Variants in ZFYVE9 observed in about 807,000 individuals in gnomAD.
The protein encoded by ZFYVE9 is zinc finger FYVE-type containing 9.
Under a neutral mutation model 126.7 loss-of-function variants are expected in ZFYVE9, and 43 were observed. That is an observed-to-expected ratio of 0.34 (90% confidence interval 0.27 to 0.44). ZFYVE9 has a LOEUF of 0.44. ZFYVE9 is among the 20% of genes least tolerant of loss of function. ZFYVE9 has a pLI of 1.00. For synonymous variants in ZFYVE9, 521 were observed against 597.4 expected (o/e 0.87, Z 1.87); for missense variants, 1,476 against 1,697.0 (o/e 0.87, Z 2.29).
chr1:52,174,249 AT>A (rs1442996499), intron 1 of ZFYVE9, among the ~76,000 whole-genome samples: 1 of 152,000 alleles, frequency 6.6e-6, no homozygotes, highest in Non-Finnish European at 1.5e-5. Context: ...TTCTGCCTTC[AT>A]TTTGTTATGT....
chr1:52,207,366 T>A (rs1377573217), intron 1 of ZFYVE9, among the ~76,000 whole-genome samples: 1 of 152,182 alleles, frequency 6.6e-6, no homozygotes, highest in Non-Finnish European at 1.5e-5. Flanking sequence ...CTGCTTTTTG[T>A]TTGGTGTGAA....
Position 52,218,024 on chromosome 1 carries a change from A to G in ZFYVE9, c.-37+1550A>G, listed in dbSNP as rs573422373. Reference sequence around the variant, plus strand: ...TTTTTGTTTATAGTGGACCACCAGAATAAGATAGACTCGAACCTGGCGGCT... The same window carrying G: ...TTTTTGTTTATAGTGGACCACCAGAGTAAGATAGACTCGAACCTGGCGGCT... On this transcript the variant is annotated intron_variant, in intron 2 of 18. Transcript: ENST00000287727. 2.6e-5 allele frequency among the ~76,000 whole-genome samples: 4 copies of G among 152,348 alleles called. No homozygotes were observed. The East Asian group carries it at 7.7e-4, about 29-fold the overall frequency.
chr1:52,238,646 T>G lies in ZFYVE9; in HGVS notation c.1229T>G (p.Met410Arg). 4.3e-6 allele frequency: 7 copies of G among 1,614,042 alleles called. No individual in the cohort carries two copies. The highest frequency in any genetic ancestry group is 5.9e-6 in the Non-Finnish European group (7 of 1,179,980). The change falls in exon 4 of 19, where the codon ATG becomes AGG. Residue 410 changes from methionine to arginine, a missense_variant. Physicochemically the swap from Met to Arg is moderately conservative, Grantham distance 91 (BLOSUM62 -1). Transcript: ENST00000287727. ...TGGAAGTTGACTAAACTAAATGAGA[T>G]GAATGATAGCCAAGTAAACGAAGAA... Reference protein sequence around the residue: ...TNWKLTKLNEMNDSQVNEEKE... With the variant: ...TNWKLTKLNERNDSQVNEEKE...
chr1:52,336,947 T>TAAAAAAAAAAAAAAAA (rs71041896), intron 15 of ZFYVE9, among the ~76,000 whole-genome samples: 37 of 107,838 alleles, frequency 3.4e-4, no homozygotes, highest in African/African-American at 9.8e-4. Context: ...AGTCATCTCT[T>TAAAAAAAAAAAAAAAA]AAAAAAAAAA....
At chr1:52,158,533 T>C (rs1644424541) in intron 1 of ZFYVE9, among the ~76,000 whole-genome samples, 2 of 152,200 alleles carry the variant, frequency 1.3e-5, no homozygotes, top group African/African-American at 2.4e-5. Context: ...CCGTAACCTG[T>C]CTATCAGGCT....
chr1:52,326,798 C>T (rs1011190720), intron 13 of ZFYVE9, among the ~76,000 whole-genome samples: 8 of 150,966 alleles, frequency 5.3e-5, no homozygotes, highest in Non-Finnish European at 8.8e-5. Flanking sequence ...GAACCCAGGA[C>T]GTGGAGGCTG....
chr1:52,155,469 C>T lies in ZFYVE9; in HGVS notation c.-143+13066C>T, dbSNP rs573305368. Among the ~76,000 whole-genome samples, 23 of 152,178 alleles carry T rather than the reference C, an allele frequency of 1.5e-4. No homozygotes were observed. The South Asian group carries it at 2.9e-3, about 19-fold the overall frequency. On this transcript the variant is annotated intron_variant, in intron 1 of 18. Coordinates refer to ENST00000287727, the MANE Select transcript of ZFYVE9 (RefSeq NM_004799.4). ...CAGGATGGTCTCGATCTCCTGACCT[C>T]GTGGTCCACCCGCCTCGGCCTCCCA...
intron 12 of ZFYVE9, among the ~76,000 whole-genome samples, chr1:52,299,017 C>G (rs1191320535): frequency 6.6e-6 from 1 of 151,910 alleles, no homozygotes; most frequent in African/African-American, 2.4e-5. Flanking sequence ...ACTGTGTTAG[C>G]CAGGATGGTC....
intron 1 of ZFYVE9, among the ~76,000 whole-genome samples, chr1:52,147,443 T>C (rs2124489178): frequency 6.6e-6 from 1 of 152,204 alleles, no homozygotes; most frequent in East Asian, 1.9e-4. Flanking sequence ...GCTAATGTAC[T>C]TTCTGCCTCT....
intron 4 of ZFYVE9, chr1:52,252,419 G>A: frequency 6.3e-6 from 1 of 158,718 alleles, no homozygotes; most frequent in Non-Finnish European, 1.4e-5. Context: ...GAGTGCGATA[G>A]CGCAATCTCG....
chr1:52,248,207 A>G (rs1195339680), intron 4 of ZFYVE9, among the ~76,000 whole-genome samples: 5 of 152,144 alleles, frequency 3.3e-5, no homozygotes, highest in Admixed American at 6.5e-5. Flanking sequence ...GCAGCCCTCA[A>G]TCTGAGGCCT....
Position 52,248,265 on chromosome 1 carries a change from C to T in ZFYVE9, c.2178+8670C>T, listed in dbSNP as rs553792492. 8.5e-5 allele frequency among the ~76,000 whole-genome samples: 13 copies of T among 152,276 alleles called. No individual in the cohort carries two copies. In the South Asian group the frequency reaches 2.5e-3, roughly 29 times the overall value. ...GGCTGCTAGTGCAAGTCTTAGAATC[C>T]AGAGCCCAAAGAACCTGGAGTCTGA... On this transcript the variant is annotated intron_variant, in intron 4 of 18. Coordinates refer to ENST00000287727, the MANE Select transcript of ZFYVE9 (RefSeq NM_004799.4).
chr1:52,192,046 A>G (rs1181620894), intron 1 of ZFYVE9, among the ~76,000 whole-genome samples: 1 of 144,460 alleles, frequency 6.9e-6, no homozygotes, highest in Non-Finnish European at 1.5e-5. Context: ...TTTTTTTTCT[A>G]GAACAAGCAC....
At chr1:52,206,395 C>CT (rs1330864522) in intron 1 of ZFYVE9, among the ~76,000 whole-genome samples, 3 of 152,174 alleles carry the variant, frequency 2.0e-5, no homozygotes, top group Non-Finnish European at 2.9e-5. Flanking sequence ...CAAGAGATGT[C>CT]TAACATCTCA....
chr1:52,285,584 A>C (rs1645850632), intron 10 of ZFYVE9, among the ~76,000 whole-genome samples: 1 of 152,144 alleles, frequency 6.6e-6, no homozygotes, highest in Non-Finnish European at 1.5e-5. Flanking sequence ...CCTTATGAGA[A>C]TCTAATGCCT....
intron 13 of ZFYVE9, among the ~76,000 whole-genome samples, chr1:52,320,420 T>C (rs1350184348): frequency 6.6e-6 from 1 of 152,194 alleles, no homozygotes; most frequent in East Asian, 1.9e-4. Flanking sequence ...TGTTTGGGTG[T>C]AAATATATAT....
chr1:52,219,769 G>C (rs1447927205), intron 2 of ZFYVE9, among the ~76,000 whole-genome samples: 1 of 147,772 alleles, frequency 6.8e-6, no homozygotes, highest in Non-Finnish European at 1.5e-5. Context: ...GTGTGTGTGT[G>C]TGTGTGTGTG....
intron 4 of ZFYVE9, among the ~76,000 whole-genome samples, chr1:52,262,018 T>G (rs1215713651): frequency 6.6e-6 from 1 of 152,238 alleles, no homozygotes; most frequent in Non-Finnish European, 1.5e-5. Flanking sequence ...ACTTAATGTC[T>G]TAGTCCATTC....
intron 14 of ZFYVE9, among the ~76,000 whole-genome samples, chr1:52,333,791 TAAA>T (rs547487941): frequency 5.7e-5 from 7 of 122,976 alleles, no homozygotes; most frequent in Admixed American, 8.4e-5. Context: ...CCCTGTCTCT[TAAA>T]AAAAAAAAAA....
Sources: gnomAD v4.1 joint callset for allele counts (sites outside exome capture counted in the v4.1 genomes callset) on GRCh38, gnomAD v4.1.1 for gene constraint, MANE v1.5 for transcripts, NCBI Gene and HGNC (gene_info 2026-07-23, HGNC 2026-07-21) for gene names.